ERBB4: variants seen among roughly 807,000 people sequenced by gnomAD.
ERBB4 encodes the protein erb-b2 receptor tyrosine kinase 4.
Under a neutral mutation model 158.0 loss-of-function variants are expected in ERBB4, and 42 were observed. The ratio of observed to expected loss-of-function variants is 0.27; its 90% CI spans 0.21 to 0.34. The LOEUF (loss-of-function observed/expected upper bound fraction) is 0.34. Among genes scored for constraint, ERBB4 ranks in the 10% least tolerant of loss-of-function variants. The probability of loss-of-function intolerance (pLI) is 1.00; values close to 1 mark genes in which losing one functional copy is unlikely to be tolerated. For missense variants in ERBB4, 1,333 were observed against 1,624.1 expected (o/e 0.82, Z 3.08); for synonymous variants, 583 against 558.7 (o/e 1.04, Z -0.61).
intron 3 of ERBB4, among the ~76,000 whole-genome samples, chr2:211,821,915 T>G (rs1182155636): frequency 6.6e-6 from 1 of 151,746 alleles, no homozygotes; most frequent in Admixed American, 6.6e-5. Context: ...GAAGAAAACA[T>G]AGGAAAAATG....
At chr2:212,110,312 C>T (rs1373801268) in intron 2 of ERBB4, among the ~76,000 whole-genome samples, 5 of 152,140 alleles carry the variant, frequency 3.3e-5, no homozygotes, top group Admixed American at 6.6e-5. Context: ...CAAATCCACC[C>T]GTCCCCAGTA....
At chr2:212,423,930 C>T (rs2091851920) in intron 1 of ERBB4, among the ~76,000 whole-genome samples, 1 of 151,958 alleles carries the variant, frequency 6.6e-6, no homozygotes, top group Non-Finnish European at 1.5e-5. Context: ...TCCCAAATTC[C>T]CAAAAGTTTA....
intron 3 of ERBB4, among the ~76,000 whole-genome samples, chr2:211,935,754 G>A (rs1206551135): frequency 6.6e-6 from 1 of 152,054 alleles, no homozygotes; most frequent in Non-Finnish European, 1.5e-5. Flanking sequence ...AGCTATTATC[G>A]TTATCTGTAT....
intron 2 of ERBB4, among the ~76,000 whole-genome samples, chr2:211,983,556 G>T (rs946424641): frequency 2.6e-5 from 4 of 152,124 alleles, no homozygotes; most frequent in African/African-American, 9.7e-5. Context: ...ACACACAACT[G>T]AGAATAAAAG....
At chr2:211,664,810 T>C (rs1205887078) in intron 15 of ERBB4, among the ~76,000 whole-genome samples, 1 of 152,216 alleles carries the variant, frequency 6.6e-6, no homozygotes, top group Non-Finnish European at 1.5e-5. Flanking sequence ...ATTTTTTAAA[T>C]ATACATATCA....
At chr2:211,635,215 T>C (rs1027376374) in intron 16 of ERBB4, among the ~76,000 whole-genome samples, 2 of 152,222 alleles carry the variant, frequency 1.3e-5, no homozygotes, top group South Asian at 2.1e-4. Context: ...ATTGATAGTT[T>C]ACCTTATTCT....
At chr2:211,430,227 T>C (rs2063720720) in intron 21 of ERBB4, among the ~76,000 whole-genome samples, 1 of 152,160 alleles carries the variant, frequency 6.6e-6, no homozygotes, top group Non-Finnish European at 1.5e-5. Context: ...TAGGTCACCA[T>C]AGCCTAAGAT....
intron 4 of ERBB4, among the ~76,000 whole-genome samples, chr2:211,751,785 G>A (rs913406559): frequency 2.0e-5 from 3 of 152,144 alleles, no homozygotes; most frequent in African/African-American, 7.2e-5. Flanking sequence ...AACTGCCAAA[G>A]TGAGCCTATT....
chr2:212,476,177 A>C (rs1303072555), intron 1 of ERBB4, among the ~76,000 whole-genome samples: 2 of 150,232 alleles, frequency 1.3e-5, no homozygotes, highest in Non-Finnish European at 1.5e-5. Flanking sequence ...ACACACACAC[A>C]CCTTTAATGA....
At chr2:211,993,752 T>A (rs924117587) in intron 2 of ERBB4, among the ~76,000 whole-genome samples, 1 of 151,464 alleles carries the variant, frequency 6.6e-6, no homozygotes, top group African/African-American at 2.4e-5. Flanking sequence ...TAGATTTGAT[T>A]AAAATATTTA....
intron 27 of ERBB4, among the ~76,000 whole-genome samples, chr2:211,386,652 G>A (rs1162946756): frequency 6.6e-6 from 1 of 152,154 alleles, no homozygotes; most frequent in Non-Finnish European, 1.5e-5. Flanking sequence ...GCCTGCCTGA[G>A]ATTCTGATTT....
chr2:211,406,069 T>C lies in ERBB4; in HGVS notation c.3135+14372A>G, dbSNP rs867664931. The stretch of plus-strand genomic sequence containing the variant: ...ATCTCTCTTTGTTTTAATTCACATA[T>C]TAAAAAGCTACCAGAATTTTCTTAC... On this transcript the variant is annotated intron_variant, in intron 25 of 27. Transcript: ENST00000342788. Among the ~76,000 whole-genome samples, 64 of 152,320 alleles carry C rather than the reference T, an allele frequency of 4.2e-4. 1 individual carries two copies. The highest frequency in any genetic ancestry group is 1.9e-3 in the Admixed American group (29 of 15,290).
At chr2:212,266,608 C>T (rs987134260) in intron 1 of ERBB4, among the ~76,000 whole-genome samples, 1 of 151,890 alleles carries the variant, frequency 6.6e-6, no homozygotes, top group Non-Finnish European at 1.5e-5. Flanking sequence ...GGAGATCATC[C>T]TACAGATGAA....
intron 1 of ERBB4, among the ~76,000 whole-genome samples, chr2:212,206,695 T>C (rs1187365173): frequency 1.3e-5 from 2 of 151,158 alleles, no homozygotes; most frequent in Admixed American, 1.3e-4. Flanking sequence ...CACGCCATTC[T>C]CCTGCCTCAG....
intron 19 of ERBB4, among the ~76,000 whole-genome samples, chr2:211,600,866 T>C (rs1372565131): frequency 6.6e-6 from 1 of 152,084 alleles, no homozygotes; most frequent in Non-Finnish European, 1.5e-5. Flanking sequence ...GCAGACAAAC[T>C]GACAGATTTC....
chr2:211,875,050 A>AAACAAAAAAAAAAC (rs66500425), intron 3 of ERBB4, among the ~76,000 whole-genome samples: 3 of 75,872 alleles, frequency 4.0e-5, no homozygotes, highest in African/African-American at 1.1e-4. Context: ...AAAAAAAAAA[A>AAACAAAAAAAAAAC]CAAACTCAAA....
chr2:211,957,309 A>T (rs839512), intron 2 of ERBB4, among the ~76,000 whole-genome samples: 1 of 151,876 alleles, frequency 6.6e-6, no homozygotes, highest in Admixed American at 6.6e-5. Context: ...CATGACAAGA[A>T]AAAAGACCAT....
At chr2:211,907,446 T>C (rs73073366) in intron 3 of ERBB4, among the ~76,000 whole-genome samples, 20,683 of 151,198 alleles carry the variant, frequency 0.14, 1,843 homozygotes, top group African/African-American at 0.22. Flanking sequence ...TACTGCTGTA[T>C]AGACCCACAG....
intron 3 of ERBB4, among the ~76,000 whole-genome samples, chr2:211,847,836 C>T (rs2077627183): frequency 6.6e-6 from 1 of 152,120 alleles, no homozygotes; most frequent in South Asian, 2.1e-4. Flanking sequence ...ATTAAATTTT[C>T]ATAATAGCGT....
Sources: allele counts gnomAD v4.1 joint callset (sites outside exome capture counted in the v4.1 genomes callset), GRCh38; gene constraint gnomAD v4.1.1; transcripts MANE v1.5; gene names NCBI Gene and HGNC (gene_info 2026-07-23, HGNC 2026-07-21).